The following TESC variants were observed in gnomAD, a reference collection of about 807,000 sequenced individuals.
TESC encodes the protein tescalcin, also known as calcineurin B homologous protein 3.
Under a neutral mutation model 31.0 loss-of-function variants are expected in TESC, and 19 were observed. The ratio of observed to expected loss-of-function variants is 0.61; its 90% CI spans 0.43 to 0.90. TESC has a LOEUF of 0.90. TESC is among the 40% of genes least tolerant of loss of function. The pLI, the probability that TESC is intolerant of heterozygous loss-of-function variation, is 0.00. For synonymous variants in TESC, 109 were observed against 114.8 expected, an observed-to-expected ratio of 0.95 and a Z score of 0.32; for missense variants, 248 against 303.8, an observed-to-expected ratio of 0.82 and a Z score of 1.36.
chr12:117,080,494 T>C (rs1400987845), intron 1 of TESC, among the ~76,000 whole-genome samples: 3 of 152,084 alleles, frequency 2.0e-5, no homozygotes, highest in African/African-American at 7.2e-5. Flanking sequence ...CACATACACA[T>C]ACTCCCTCTG....
At chr12:117,075,919 GTGTGTA>G (rs1208439443) in intron 1 of TESC, among the ~76,000 whole-genome samples, 13 of 89,168 alleles carry the variant, frequency 1.5e-4, no homozygotes, top group African/African-American at 7.8e-4. Flanking sequence ...ATATATGTGT[GTGTGTA>G]TATATATATA....
chr12:117,058,185 A>G (rs1405123397), intron 2 of TESC, among the ~76,000 whole-genome samples: 1 of 152,158 alleles, frequency 6.6e-6, no homozygotes, highest in Non-Finnish European at 1.5e-5. Flanking sequence ...TCACCATTGC[A>G]CTACAGCCTG....
intron 4 of TESC, among the ~76,000 whole-genome samples, chr12:117,048,495 C>T (rs868549632): frequency 6.6e-6 from 1 of 152,142 alleles, no homozygotes. Context: ...TGCGGCTGGC[C>T]AGCTGGGACC....
intron 2 of TESC, among the ~76,000 whole-genome samples, chr12:117,059,898 G>A (rs573547459): frequency 1.3e-5 from 2 of 152,250 alleles, no homozygotes; most frequent in Admixed American, 6.5e-5. Context: ...GTCCAGGAAC[G>A]AGATTCTCAT....
At position 117,076,693 on chromosome 12, in the gene TESC, C is replaced by T. The variant is rs137940307; in HGVS notation, c.59-1353G>A. ...TCCTGACCTTGAGTGATCCGCCCACCGCAGCCTCCCAAAGTGCTGGGATTA... is the reference window on the plus strand; with the variant it reads ...TCCTGACCTTGAGTGATCCGCCCACTGCAGCCTCCCAAAGTGCTGGGATTA... On this transcript the variant is annotated intron_variant, in intron 1 of 7. Coordinates refer to ENST00000335209, the MANE Select transcript of TESC (RefSeq NM_017899.4). Among the ~76,000 whole-genome samples the T allele has an allele frequency of 1.4e-4, 21 of 152,314 alleles. No homozygotes were observed. The East Asian group carries it at 3.3e-3, about 24-fold the overall frequency.
At chr12:117,057,637 T>C (rs1044493082) in intron 2 of TESC, among the ~76,000 whole-genome samples, 3 of 152,212 alleles carry the variant, frequency 2.0e-5, no homozygotes, top group Non-Finnish European at 4.4e-5. Flanking sequence ...CCTAGGGATA[T>C]GCCCAAGAGA....
In TESC at chr12:117,046,854, A is replaced by G; in HGVS notation, c.350-16T>C. The G allele has an allele frequency of 6.4e-7, 1 of 1,561,374 alleles. No homozygotes were observed. Among genetic ancestry groups the G allele is most frequent in the Middle Eastern group, 1.7e-4 (1 of 5,998 alleles). ...TGGAACAGAACTAGGGTGGCAGGGG[A>G]GAGAGGGGACTCCGTCAGGCGGGGC... is the stretch of plus-strand genomic sequence containing the variant. On this transcript the variant is annotated splice_polypyrimidine_tract_variant and intron_variant, in intron 4 of 7. Coordinates refer to ENST00000335209, the MANE Select transcript of TESC (RefSeq NM_017899.4).
intron 1 of TESC, among the ~76,000 whole-genome samples, chr12:117,075,903 A>ATGTGTATATATATATATGTATG (rs1401695484): frequency 1.2e-5 from 1 of 82,794 alleles, no homozygotes; most frequent in African/African-American, 8.4e-5. Flanking sequence ...ATATATATAT[A>ATGTGTATATATATATATGTATG]TATATATATA....
chr12:117,089,127 G>A (rs1287061013), intron 1 of TESC, among the ~76,000 whole-genome samples: 17 of 152,178 alleles, frequency 1.1e-4, no homozygotes, highest in Admixed American at 7.9e-4. Context: ...CTAGGGAGAC[G>A]GCAGGGGAAA....
At chr12:117,058,665 C>T (rs1426820345) in intron 2 of TESC, among the ~76,000 whole-genome samples, 1 of 150,388 alleles carries the variant, frequency 6.6e-6, no homozygotes, top group Non-Finnish European at 1.5e-5. Context: ...ATTGTTTAAG[C>T]CCAGGAGTTC....
intron 2 of TESC, among the ~76,000 whole-genome samples, chr12:117,068,257 T>C (rs1268770026): frequency 1.3e-5 from 2 of 149,710 alleles, no homozygotes; most frequent in Non-Finnish European, 3.0e-5. Flanking sequence ...GGCCTGGGTG[T>C]GGTGGCTCAC....
intron 1 of TESC, among the ~76,000 whole-genome samples, chr12:117,089,597 T>C (rs1422573039): frequency 1.3e-5 from 2 of 152,168 alleles, no homozygotes; most frequent in Non-Finnish European, 2.9e-5. Context: ...CTTATAAACT[T>C]TTTTTATAAG....
At chr12:117,042,258 G>A (rs896734528) in intron 6 of TESC, among the ~76,000 whole-genome samples, 3 of 152,112 alleles carry the variant, frequency 2.0e-5, no homozygotes, top group East Asian at 1.9e-4. Context: ...CCCTGGCAAC[G>A]TGTGGCTCAG....
At chr12:117,076,487 C>G (rs1200265538) in intron 1 of TESC, among the ~76,000 whole-genome samples, 2 of 152,196 alleles carry the variant, frequency 1.3e-5, no homozygotes, top group Non-Finnish European at 2.9e-5. Context: ...CTCTGTCGCC[C>G]AGGCTAGAAT....
At chr12:117,068,497 C>A (rs1160993523) in intron 2 of TESC, among the ~76,000 whole-genome samples, 1 of 152,168 alleles carries the variant, frequency 6.6e-6, no homozygotes, top group East Asian at 1.9e-4. Flanking sequence ...CCACAGCACT[C>A]CAGCCTGGCT....
intron 3 of TESC, among the ~76,000 whole-genome samples, chr12:117,055,725 C>G (rs1303583006): frequency 6.6e-6 from 1 of 152,188 alleles, no homozygotes. Flanking sequence ...CAGGAGATGC[C>G]ACCAGCCACA....
At chr12:117,075,871 GTGTGTATATATATATATATATATA>G (rs1565971427) in intron 1 of TESC, among the ~76,000 whole-genome samples, 8 of 45,102 alleles carry the variant, frequency 1.8e-4, no homozygotes, top group African/African-American at 2.2e-4. Context: ...ATATATATAT[GTGTGTATATATATATATATATATA>G]TATATATATA....
intron 1 of TESC, among the ~76,000 whole-genome samples, chr12:117,087,870 C>G (rs1358601799): frequency 2.6e-5 from 4 of 152,182 alleles, no homozygotes; most frequent in African/African-American, 9.7e-5. Flanking sequence ...ATAATAACCA[C>G]CATGTGTTAA....
intron 2 of TESC, among the ~76,000 whole-genome samples, chr12:117,068,068 T>C (rs1954912259): frequency 6.6e-6 from 1 of 152,132 alleles, no homozygotes; most frequent in Non-Finnish European, 1.5e-5. Context: ...ATTTTTAAAT[T>C]TTTTTTGTAG....
Sources: allele counts gnomAD v4.1 joint callset (sites outside exome capture counted in the v4.1 genomes callset), GRCh38; gene constraint gnomAD v4.1.1; transcripts MANE v1.5; gene names NCBI Gene and HGNC (gene_info 2026-07-23, HGNC 2026-07-21).